Variants in DPP8 observed in about 807,000 individuals in gnomAD.
The protein encoded by DPP8 is dipeptidyl peptidase 8.
A neutral mutation model predicts 107.5 loss-of-function variants in DPP8; 31 were observed. The observed-to-expected ratio is 0.29, with a 90% CI of 0.22 to 0.39. DPP8 has a LOEUF of 0.39. Ranked by LOEUF, DPP8 falls within the 10% of genes least tolerant of loss-of-function variation. DPP8 has a pLI of 1.00. For synonymous variants in DPP8, 381 were observed against 356.6 expected (o/e 1.07, Z -0.77); for missense variants, 842 against 1,076.1 (o/e 0.78, Z 3.04).
At chr15:65,462,736 C>T (rs987584831) in intron 15 of DPP8, among the ~76,000 whole-genome samples, 22 of 152,080 alleles carry the variant, frequency 1.4e-4, no homozygotes, top group African/African-American at 2.2e-4. Flanking sequence ...CGCACTACCA[C>T]GCCCAGCTAA....
intron 18 of DPP8, 78 bp from the exon 19 acceptor site, chr15:65,451,188 CTTAACCATA>C (rs1265739927): frequency 1.3e-5 from 11 of 830,710 alleles, no homozygotes; most frequent in Non-Finnish European, 2.0e-5. Context: ...TTTAATCATA[CTTAACCATA>C]TTAACTTCCT....
intron 19 of DPP8, among the ~76,000 whole-genome samples, chr15:65,448,813 TA>T (rs1303820482): frequency 1.7e-4 from 23 of 134,120 alleles, no homozygotes; most frequent in Non-Finnish European, 3.0e-4. Flanking sequence ...AAAATATACA[TA>T]TATATCTAAA....
In DPP8 at chr15:65,481,620, TAAA is replaced by T; in HGVS notation, c.1018-8_1018-6del. The T allele has an allele frequency of 7.3e-7, 1 of 1,374,192 alleles. No homozygotes were observed. The highest frequency in any genetic ancestry group is 9.9e-7 in the Non-Finnish European group (1 of 1,007,338). 85.1% of individuals were successfully genotyped at this position (1,374,192 alleles called of 1,614,324 possible). A position where few individuals can be genotyped will look rare whatever the true frequency, so the allele number is the denominator to read the frequency against. ...CTTATCTATGACATCTATGATCTAT[TAAA>T]AAAGAAAAAAAAAGAATCTAGTTAT... On this transcript the variant is annotated splice_polypyrimidine_tract_variant and splice_region_variant and intron_variant, in intron 8 of 19. Transcript: ENST00000300141.
At chr15:65,469,176 T>C (rs368507953) in intron 12 of DPP8, among the ~76,000 whole-genome samples, 1 of 151,484 alleles carries the variant, frequency 6.6e-6, no homozygotes, top group Admixed American at 6.6e-5. Flanking sequence ...GGTTTCACCA[T>C]GTTGGCCAGG....
At chr15:65,511,935 TG>T in intron 2 of DPP8, 1 of 361,486 alleles carries the variant, frequency 2.8e-6, no homozygotes, top group Admixed American at 3.5e-5. Flanking sequence ...AAAACAGCCT[TG>T]GATTAAAAAA....
chr15:65,495,098 C>T (rs1352769267), intron 5 of DPP8, among the ~76,000 whole-genome samples: 1 of 152,144 alleles, frequency 6.6e-6, no homozygotes, highest in Non-Finnish European at 1.5e-5. Flanking sequence ...CAATCTTTTG[C>T]TACTTCTTGA....
Position 65,500,721 on chromosome 15 carries a change from C to T in DPP8, c.431G>A (p.Arg144His), listed in dbSNP as rs373358439. 2 of 1,613,868 alleles carry T rather than the reference C, an allele frequency of 1.2e-6. No individual in the cohort carries two copies. Among genetic ancestry groups the T allele is most frequent in the Non-Finnish European group, 1.7e-6 (2 of 1,179,850 alleles). Residue 144 changes from arginine to histidine, a missense_variant, in exon 4 of 20, where the codon CGC becomes CAC. Arg to His is a conservative substitution (Grantham distance 29). This residue lies in a region of DPP8 where 663 missense variants were observed against 758.0 expected (regional missense o/e 0.87). Coordinates refer to ENST00000300141, the MANE Select transcript of DPP8 (RefSeq NM_130434.5). ...AGAAGCAATTCCGACTGTTCCAATG[C>T]GTTTTCTTTCTCTTAATAGTTCTTC... ...REEELLRERK[R>H]IGTVGIASYD...
intron 2 of DPP8, among the ~76,000 whole-genome samples, chr15:65,508,800 C>T (rs1288741613): frequency 1.3e-5 from 2 of 151,820 alleles, no homozygotes; most frequent in East Asian, 3.9e-4. Context: ...TGCAATAAAC[C>T]GAGATCACGC....
chr15:65,460,522 T>C (rs1198662613), intron 15 of DPP8, among the ~76,000 whole-genome samples: 1 of 152,206 alleles, frequency 6.6e-6, no homozygotes, highest in Non-Finnish European at 1.5e-5. Flanking sequence ...TCTATTCTAC[T>C]TTCTATCCCT....
In DPP8 at chr15:65,497,874, A is replaced by G; in HGVS notation, c.705T>C (p.Tyr235=). ...AGAACTACGCCTTACCATTGTGCAC[A>G]TAAGTGAGTCTCCTTTCTTCTCTGG... ...IVTREERRLT[Y]VHNELANMEE... Residue 235 remains tyrosine, a synonymous_variant, in exon 5 of 20, where the codon TAT becomes TAC. Coordinates refer to ENST00000300141, the MANE Select transcript of DPP8 (RefSeq NM_130434.5). 2 of 1,553,508 alleles carry G rather than the reference A, an allele frequency of 1.3e-6. No homozygotes were observed. The highest frequency in any genetic ancestry group is 1.4e-5 in the African/African-American group (1 of 73,884).
chr15:65,480,578 C>T (rs2066830992), intron 9 of DPP8, among the ~76,000 whole-genome samples, 179 bp from the exon 10 acceptor site: 1 of 152,132 alleles, frequency 6.6e-6, no homozygotes, highest in Non-Finnish European at 1.5e-5. Context: ...TAAGCTTGAA[C>T]AGAATTTATA....
At chr15:65,454,960 A>G (rs892559101) in intron 16 of DPP8, among the ~76,000 whole-genome samples, 1 of 152,006 alleles carries the variant, frequency 6.6e-6, no homozygotes, top group Non-Finnish European at 1.5e-5. Flanking sequence ...TTTAGTTACC[A>G]CTTAGTCATA....
intron 6 of DPP8, 115 bp downstream of exon 6, chr15:65,490,074 T>G (rs986473405): frequency 3.1e-6 from 2 of 647,684 alleles, no homozygotes; most frequent in Non-Finnish European, 5.4e-6. Flanking sequence ...CACTTTGGAA[T>G]CTATTATCCG....
chr15:65,455,008 AT>A (rs1444847108), intron 16 of DPP8, among the ~76,000 whole-genome samples: 6 of 152,188 alleles, frequency 3.9e-5, no homozygotes, highest in African/African-American at 9.6e-5. Flanking sequence ...GTCCCTTGCT[AT>A]TTGGGTATTT....
At chr15:65,509,652 C>T (rs2070501883) in intron 2 of DPP8, among the ~76,000 whole-genome samples, 1 of 152,166 alleles carries the variant, frequency 6.6e-6, no homozygotes, top group Admixed American at 6.6e-5. Context: ...ATGCTTGTTA[C>T]TAAATAATAG....
At chr15:65,494,608 T>A (rs1473641329) in intron 5 of DPP8, among the ~76,000 whole-genome samples, 1 of 124,312 alleles carries the variant, frequency 8.0e-6, no homozygotes, top group African/African-American at 3.2e-5. Flanking sequence ...CCGTGAAGAC[T>A]GCAGTGAGCC....
rs1204722233 is a variant in DPP8 at position 65,445,680 on chromosome 15, T to C, written c.*1204A>G. 3 of 153,632 alleles carry C rather than the reference T, an allele frequency of 2.0e-5. No homozygotes were observed. The highest frequency in any genetic ancestry group is 4.4e-5 in the Non-Finnish European group (3 of 68,016). 9.5% of individuals were successfully genotyped at this position (153,632 alleles called of 1,614,324 possible). A position where few individuals can be genotyped will look rare whatever the true frequency, so the allele number is the denominator to read the frequency against. On this transcript the variant is annotated 3_prime_UTR_variant, in exon 20 of 20. Coordinates refer to ENST00000300141, the MANE Select transcript of DPP8 (RefSeq NM_130434.5). ...AATTTTAAAAGGATAAAGTTTAAAT[T>C]TGTAAGATTTCTAAACCTAAGAGGA...
At position 65,455,518 on chromosome 15, in the gene DPP8, C is replaced by T; in HGVS notation, c.2118+707G>A. On this transcript the variant is annotated intron_variant, in intron 16 of 19. Transcript: ENST00000300141. ...TCTTCTTATTTCCCTATTATACTAC[C>T]TCTAGGAACTGAACATACTACTTCT... 1.5e-5 allele frequency: 5 copies of T among 324,512 alleles called. No homozygotes were observed. The South Asian group carries it at 2.3e-4, about 15-fold the overall frequency. The allele number at this position is 324,512 out of a possible 1,614,324, so 20.1% of individuals were successfully genotyped here.
intron 15 of DPP8, among the ~76,000 whole-genome samples, chr15:65,462,496 T>G (rs987553286): frequency 3.3e-5 from 5 of 152,206 alleles, no homozygotes; most frequent in African/African-American, 1.2e-4. Context: ...ACTGTAATTA[T>G]ATTTTAATTT....
Sources: gnomAD v4.1 joint callset for allele counts (sites outside exome capture counted in the v4.1 genomes callset) on GRCh38, gnomAD v4.1.1 for gene constraint, gnomAD v4.1.1 regional missense constraint, MANE v1.5 for transcripts, NCBI Gene and HGNC (gene_info 2026-07-23, HGNC 2026-07-21) for gene names.